ITPR2: variants seen among roughly 807,000 people sequenced by gnomAD.
ITPR2 encodes inositol 1,4,5-trisphosphate receptor type 2.
Under a neutral mutation model 317.1 loss-of-function variants are expected in ITPR2, and 207 were observed. The ratio of observed to expected loss-of-function variants is 0.65; its 90% CI spans 0.58 to 0.73. The LOEUF (loss-of-function observed/expected upper bound fraction) is 0.73, where lower values mean the gene tolerates loss of function less well. Ranked by LOEUF, ITPR2 falls within the 30% of genes least tolerant of loss-of-function variation. ITPR2 has a pLI of 0.00. For synonymous variants in ITPR2, 1,156 were observed against 1,149.1 expected (o/e 1.01, Z -0.12); for missense variants, 2,613 against 3,284.0 (o/e 0.80, Z 4.99).
chr12:26,341,553 C>G (rs1224277552), intron 55 of ITPR2, among the ~76,000 whole-genome samples: 1 of 152,094 alleles, frequency 6.6e-6, no homozygotes. Context: ...AGTTCCCTAC[C>G]CCCAATGGCA....
chr12:26,593,426 G>T (rs78090156), intron 32 of ITPR2, among the ~76,000 whole-genome samples: 1,557 of 152,186 alleles, frequency 0.01, 29 homozygotes, highest in African/African-American at 0.036. Flanking sequence ...AAAGTTTCTG[G>T]TGACTCTGAT....
rs1352905853 is a variant in ITPR2, at chr12:26,589,812, ATAAATAAATAAAT to A, written c.4380+5640_4380+5652del. ...AAAAAAAAAAATAAATAAATAAAAA[ATAAATAAATAAAT>A]AAATAAACATATATATATATATATA... On this transcript the variant is annotated intron_variant, in intron 32 of 56. Transcript: ENST00000381340. Among the ~76,000 whole-genome samples, 185 of 46,252 alleles carry A rather than the reference ATAAATAAATAAAT, an allele frequency of 4.0e-3. 3 individuals carry two copies. The highest frequency in any genetic ancestry group is 0.013 in the Middle Eastern group (1 of 76). 30.3% of individuals were successfully genotyped at this position (46,252 alleles called of 152,430 possible).
At chr12:26,739,106 G>A (rs1202769197) in intron 2 of ITPR2, among the ~76,000 whole-genome samples, 1 of 152,178 alleles carries the variant, frequency 6.6e-6, no homozygotes, top group African/African-American at 2.4e-5. Flanking sequence ...ACCATAATTA[G>A]ATACCACTAC....
chr12:26,577,647 C>G (rs1945306500), intron 34 of ITPR2, among the ~76,000 whole-genome samples: 1 of 151,990 alleles, frequency 6.6e-6, no homozygotes, highest in South Asian at 2.1e-4. Flanking sequence ...TCTATTAGTT[C>G]CACTAATTTT....
intron 23 of ITPR2, among the ~76,000 whole-genome samples, chr12:26,625,806 T>C (rs552293336): frequency 9.2e-5 from 14 of 152,206 alleles, no homozygotes; most frequent in Non-Finnish European, 2.1e-4. Context: ...CCAAACACCA[T>C]GGTCTTTTTA....
At chr12:26,704,177 A>G (rs1156302479) in intron 9 of ITPR2, among the ~76,000 whole-genome samples, 1 of 152,242 alleles carries the variant, frequency 6.6e-6, no homozygotes, top group Non-Finnish European at 1.5e-5. Context: ...GACCATAAAA[A>G]AACTATTTCA....
chr12:26,632,856 C>G (rs979481494), intron 21 of ITPR2, among the ~76,000 whole-genome samples: 2 of 152,182 alleles, frequency 1.3e-5, no homozygotes, highest in Non-Finnish European at 2.9e-5. Flanking sequence ...CTTACACTGA[C>G]CACAAATAGC....
At chr12:26,609,187 G>A (rs1446356116) in intron 26 of ITPR2, among the ~76,000 whole-genome samples, 1 of 152,194 alleles carries the variant, frequency 6.6e-6, no homozygotes, top group African/African-American at 2.4e-5. Flanking sequence ...GTTGTTGCCT[G>A]ATCTAAAACA....
In ITPR2 at chr12:26,657,742, G is replaced by T; in HGVS notation, c.2157C>A (p.Gly719=). 1 of 1,614,090 alleles carries T rather than the reference G, an allele frequency of 6.2e-7. No individual in the cohort carries two copies. Among genetic ancestry groups the T allele is most frequent in the Admixed American group, 1.7e-5 (1 of 60,020 alleles). Residue 719 remains glycine (G), a synonymous_variant, in exon 18 of 57, where the codon GGC becomes GGA. Transcript: ENST00000381340. ...TAAGAACTTCTAAGTCAGCTTTGGT[G>T]CCTTCTTTTGCCTCTTGAGCAAGGT... ...IRHLAQEAKE[G]TKADLEVLTY...
chr12:26,691,890 C>T (rs1474745999), intron 10 of ITPR2, among the ~76,000 whole-genome samples: 1 of 152,060 alleles, frequency 6.6e-6, no homozygotes, highest in East Asian at 1.9e-4. Flanking sequence ...GCTCTCACTA[C>T]TGACTTTATG....
chr12:26,579,974 C>T, intron 33 of ITPR2, 53 bp downstream of exon 33: 1 of 1,534,316 alleles, frequency 6.5e-7, no homozygotes, highest in African/African-American at 1.4e-5. Context: ...ATTTCTCCTA[C>T]TCAAATAAGA....
At chr12:26,705,034 T>C (rs1321483326) in intron 9 of ITPR2, among the ~76,000 whole-genome samples, 2 of 152,212 alleles carry the variant, frequency 1.3e-5, no homozygotes, top group African/African-American at 4.8e-5. Context: ...CTCTGCAATA[T>C]CTAGCCGCAC....
At chr12:26,511,787 A>G (rs1243732260) in intron 37 of ITPR2, among the ~76,000 whole-genome samples, 3 of 152,226 alleles carry the variant, frequency 2.0e-5, no homozygotes, top group Non-Finnish European at 4.4e-5. Context: ...CGTGAGGCCA[A>G]CGCATAGACA....
chr12:26,544,793 G>C (rs1591881187), intron 37 of ITPR2, among the ~76,000 whole-genome samples: 2 of 152,062 alleles, frequency 1.3e-5, no homozygotes, highest in South Asian at 4.1e-4. Context: ...TAAATCTCCT[G>C]GGAATGCTTC....
intron 45 of ITPR2, among the ~76,000 whole-genome samples, chr12:26,467,600 T>C (rs947491020): frequency 7.2e-5 from 11 of 152,146 alleles, no homozygotes; most frequent in African/African-American, 2.7e-4. Context: ...GACACAGCAA[T>C]GGCATTTTAC....
chr12:26,363,460 C>T (rs1938904282), intron 55 of ITPR2, among the ~76,000 whole-genome samples: 1 of 152,132 alleles, frequency 6.6e-6, no homozygotes, highest in East Asian at 1.9e-4. Context: ...TCCACCCCCT[C>T]ACCCCCGATC....
At chr12:26,590,326 C>A (rs996473367) in intron 32 of ITPR2, among the ~76,000 whole-genome samples, 4 of 152,102 alleles carry the variant, frequency 2.6e-5, no homozygotes, top group Non-Finnish European at 4.4e-5. Context: ...GTAAACACAT[C>A]TTTAACTGAA....
intron 55 of ITPR2, among the ~76,000 whole-genome samples, chr12:26,376,758 TTGAC>T (rs1285406940): frequency 2.0e-5 from 3 of 152,074 alleles, no homozygotes; most frequent in Non-Finnish European, 4.4e-5. Context: ...TTTCTTTTTC[TTGAC>T]TAAGTCTCAC....
At chr12:26,641,898 T>C (rs748612507) in intron 21 of ITPR2, among the ~76,000 whole-genome samples, 1 of 151,756 alleles carries the variant, frequency 6.6e-6, no homozygotes, top group Non-Finnish European at 1.5e-5. Context: ...CCAATAGTCA[T>C]ACAGATACTT....
Sources: gnomAD v4.1 joint callset for allele counts (sites outside exome capture counted in the v4.1 genomes callset) on GRCh38, gnomAD v4.1.1 for gene constraint, MANE v1.5 for transcripts, NCBI Gene and HGNC (gene_info 2026-07-23, HGNC 2026-07-21) for gene names.